MDGA2: variants seen among roughly 807,000 people sequenced by gnomAD.
MDGA2 encodes the protein MAM domain-containing glycosylphosphatidylinositol anchor protein 2.
Under a neutral mutation model 117.8 loss-of-function variants are expected in MDGA2, and 40 were observed. The ratio of observed to expected loss-of-function variants is 0.34; its 90% CI spans 0.26 to 0.44. The LOEUF is 0.44. Among genes scored for constraint, MDGA2 ranks in the 20% least tolerant of loss-of-function variants. The pLI, the probability that MDGA2 is intolerant of heterozygous loss-of-function variation, is 1.00. For missense variants in MDGA2, 1,123 were observed against 1,250.6 expected (o/e 0.90, Z 1.54); for synonymous variants, 452 against 439.0 (o/e 1.03, Z -0.37).
At chr14:47,601,555 ATTTCCT>A (rs1896648660) in intron 1 of MDGA2, among the ~76,000 whole-genome samples, 1 of 152,156 alleles carries the variant, frequency 6.6e-6, no homozygotes, top group African/African-American at 2.4e-5. Context: ...AGCTCTATTC[ATTTCCT>A]TTTCCATTAT....
At chr14:47,621,576 A>G (rs1298131695) in intron 1 of MDGA2, among the ~76,000 whole-genome samples, 1 of 152,144 alleles carries the variant, frequency 6.6e-6, no homozygotes, top group Non-Finnish European at 1.5e-5. Context: ...CTTCATAAGT[A>G]TAACACATCA....
At chr14:47,531,507 T>C (rs1028989382) in intron 1 of MDGA2, among the ~76,000 whole-genome samples, 1 of 152,222 alleles carries the variant, frequency 6.6e-6, no homozygotes, top group Non-Finnish European at 1.5e-5. Context: ...TATTATTATA[T>C]ATGTGACTTA....
intron 1 of MDGA2, among the ~76,000 whole-genome samples, chr14:47,452,490 T>G (rs781004700): frequency 5.9e-5 from 9 of 152,096 alleles, no homozygotes; most frequent in Non-Finnish European, 7.4e-5. Context: ...TTCTGACATA[T>G]TGAGACCTTC....
In MDGA2 at chr14:47,090,240, G is replaced by T. The variant is rs575044628; in HGVS notation, c.1195+6614C>A. On this transcript the variant is annotated intron_variant, in intron 6 of 16. Coordinates refer to ENST00000399232, the MANE Select transcript of MDGA2 (RefSeq NM_001113498.3). Reference sequence around the variant, plus strand: ...GAAGAGAGTTATAATGTTCCTGGAGGTTACAGCATATTTCTGTGCAGTTAT... The same window carrying T: ...GAAGAGAGTTATAATGTTCCTGGAGTTTACAGCATATTTCTGTGCAGTTAT... Among the ~76,000 whole-genome samples, 8 of 152,132 alleles carry T rather than the reference G, an allele frequency of 5.3e-5. No individual in the cohort carries two copies. In the East Asian group the frequency reaches 1.2e-3, roughly 22 times the overall value.
chr14:46,910,178 T>C (rs1883644466), intron 10 of MDGA2, among the ~76,000 whole-genome samples: 1 of 152,070 alleles, frequency 6.6e-6, no homozygotes, highest in Admixed American at 6.6e-5. Flanking sequence ...AATAAGCATG[T>C]AAATAGTGAA....
chr14:47,414,629 T>A (rs1385213801), intron 1 of MDGA2, among the ~76,000 whole-genome samples: 1 of 152,124 alleles, frequency 6.6e-6, no homozygotes, highest in African/African-American at 2.4e-5. Flanking sequence ...ACAAAAATGC[T>A]AACATACATT....
At chr14:46,873,185 T>C in intron 14 of MDGA2, 1 of 375,756 alleles carries the variant, frequency 2.7e-6, no homozygotes, top group Non-Finnish European at 4.8e-6. Flanking sequence ...ATTTAACTCA[T>C]TGATTGTCTA....
intron 1 of MDGA2, among the ~76,000 whole-genome samples, chr14:47,652,800 T>G (rs1181990080): frequency 6.6e-6 from 1 of 152,144 alleles, no homozygotes; most frequent in Non-Finnish European, 1.5e-5. Context: ...CAGCAACTGA[T>G]AATTAATAGT....
chr14:46,966,819 A>T (rs1184001423), intron 8 of MDGA2, among the ~76,000 whole-genome samples: 1 of 151,974 alleles, frequency 6.6e-6, no homozygotes, highest in Non-Finnish European at 1.5e-5. Flanking sequence ...ACTTAGTTCT[A>T]ATATTTAAAT....
chr14:47,660,274 C>T (rs1897821168), intron 1 of MDGA2, among the ~76,000 whole-genome samples: 2 of 152,160 alleles, frequency 1.3e-5, no homozygotes, highest in South Asian at 2.1e-4. Flanking sequence ...ATGCATGGCG[C>T]TACAGCTGAA....
intron 1 of MDGA2, among the ~76,000 whole-genome samples, chr14:47,408,935 G>A (rs1892315826): frequency 6.6e-6 from 1 of 152,078 alleles, no homozygotes; most frequent in Non-Finnish European, 1.5e-5. Context: ...CATGAAAGAA[G>A]TCTTTTCAAT....
rs1000118528 is a variant in MDGA2 at position 47,417,666 on chromosome 14, A to G, written c.281-116116T>C. On this transcript the variant is annotated intron_variant, in intron 1 of 16. Transcript: ENST00000399232. ...TACCCAATTCTGAAGCTGCTTCCACATTTTTAGTTACTTGTTACAATATCA... is the reference window on the plus strand; with the variant it reads ...TACCCAATTCTGAAGCTGCTTCCACGTTTTTAGTTACTTGTTACAATATCA... Among the ~76,000 whole-genome samples the G allele has an allele frequency of 7.2e-5, 11 of 151,988 alleles. No individual in the cohort carries two copies. The South Asian group carries it at 1.7e-3, about 23-fold the overall frequency.
At chr14:47,601,815 G>C (rs996568910) in intron 1 of MDGA2, among the ~76,000 whole-genome samples, 10 of 152,302 alleles carry the variant, frequency 6.6e-5, no homozygotes, top group South Asian at 2.1e-4. Context: ...AAGCGAGTCT[G>C]TGTATGTATG....
chr14:47,101,180 GAAAAT>G (rs1247710299), intron 5 of MDGA2, among the ~76,000 whole-genome samples: 1 of 151,676 alleles, frequency 6.6e-6, no homozygotes, highest in Non-Finnish European at 1.5e-5. Context: ...CGAATGACAA[GAAAAT>G]AAGAGAAGAG....
chr14:46,911,400 C>T lies in MDGA2; in HGVS notation c.2238+8612G>A, dbSNP rs544136875. Among the ~76,000 whole-genome samples, 6 of 152,284 alleles carry T rather than the reference C, an allele frequency of 3.9e-5. No individual in the cohort carries two copies. In the East Asian group the frequency reaches 1.2e-3, roughly 29 times the overall value. ...GTTACGTAGTTTTATTGACATCTGT[C>T]ATGTCAAACATTTATTATTCAAAGA... On this transcript the variant is annotated intron_variant, in intron 10 of 16. Coordinates refer to ENST00000399232, the MANE Select transcript of MDGA2 (RefSeq NM_001113498.3).
chr14:47,176,285 A>G (rs1293154772), intron 3 of MDGA2, among the ~76,000 whole-genome samples: 1 of 152,218 alleles, frequency 6.6e-6, no homozygotes, highest in East Asian at 1.9e-4. Flanking sequence ...TTCTTCACAG[A>G]AATGAAAAAA....
At chr14:47,391,876 A>G (rs1891902351) in intron 1 of MDGA2, among the ~76,000 whole-genome samples, 1 of 151,884 alleles carries the variant, frequency 6.6e-6, no homozygotes, top group Admixed American at 6.6e-5. Context: ...TAAGCAATTT[A>G]GAAGCACTAA....
chr14:46,923,799 T>A (rs1241988688), intron 9 of MDGA2, among the ~76,000 whole-genome samples: 1 of 152,056 alleles, frequency 6.6e-6, no homozygotes, highest in East Asian at 1.9e-4. Context: ...TATATATTCA[T>A]TCATAAGAAA....
Position 47,463,803 on chromosome 14 carries a change from C to T in MDGA2, c.281-162253G>A, listed in dbSNP as rs140250670. The stretch of plus-strand genomic sequence containing the variant: ...TTTAATCATCATATTTTTGTTTTTG[C>T]TTTTTGTTATTGTTTTGATTGCTTT... On this transcript the variant is annotated intron_variant, in intron 1 of 16. Coordinates refer to ENST00000399232, the MANE Select transcript of MDGA2 (RefSeq NM_001113498.3). Among the ~76,000 whole-genome samples, 414 of 151,950 alleles carry T rather than the reference C, an allele frequency of 2.7e-3. 3 individuals are homozygous for T. The highest frequency in any genetic ancestry group is 8.9e-3 in the African/African-American group (368 of 41,438).
Sources: gnomAD v4.1 joint callset for allele counts (sites outside exome capture counted in the v4.1 genomes callset) on GRCh38, gnomAD v4.1.1 for gene constraint, MANE v1.5 for transcripts, NCBI Gene and HGNC (gene_info 2026-07-23, HGNC 2026-07-21) for gene names.